The following MCF2L2 variants were observed in gnomAD, a reference collection of about 807,000 sequenced individuals.
The protein encoded by MCF2L2 is MCF.2 cell line derived transforming sequence-like 2.
Under a neutral mutation model 150.2 loss-of-function variants are expected in MCF2L2, and 102 were observed. That is an observed-to-expected ratio of 0.68 (90% CI 0.58 to 0.80). The LOEUF is 0.80. Among genes scored for constraint, MCF2L2 ranks in the 30% least tolerant of loss-of-function variants. MCF2L2 has a pLI of 0.00. For synonymous variants in MCF2L2, 465 were observed against 491.3 expected (o/e 0.95, Z 0.71); for missense variants, 1,256 against 1,372.8 (o/e 0.91, Z 1.34).
At chr3:183,354,983 C>A (rs1711671122) in intron 3 of MCF2L2, among the ~76,000 whole-genome samples, 1 of 151,900 alleles carries the variant, frequency 6.6e-6, no homozygotes, top group South Asian at 2.1e-4. Context: ...GTTTCCAGGT[C>A]TTTGTACTGT....
intron 3 of MCF2L2, among the ~76,000 whole-genome samples, chr3:183,360,251 G>A (rs1712051306): frequency 6.6e-6 from 1 of 152,136 alleles, no homozygotes; most frequent in Admixed American, 6.5e-5. Flanking sequence ...TGACTCTGGA[G>A]GAAACATTTT....
chr3:183,354,832 A>G (rs915015825), intron 3 of MCF2L2, among the ~76,000 whole-genome samples: 46 of 152,170 alleles, frequency 3.0e-4, no homozygotes, highest in African/African-American at 1.1e-3. Context: ...AAGTTCTTCA[A>G]ATATTTTACA....
In MCF2L2 at chr3:183,223,494, A is replaced by C. The variant is rs1034965634; in HGVS notation, c.2209-56T>G. ...CAAAACAAACAACACACACAGAATAAAAGTGGCAGCATTTAGGTACAAAAC... is the reference window on the plus strand; with the variant it reads ...CAAAACAAACAACACACACAGAATACAAGTGGCAGCATTTAGGTACAAAAC... On this transcript the variant is annotated intron_variant, in intron 19 of 29. Coordinates refer to ENST00000328913, the MANE Select transcript of MCF2L2 (RefSeq NM_015078.4). The C allele has an allele frequency of 1.5e-5, 20 of 1,340,072 alleles. No homozygotes were observed. In the Admixed American group the frequency reaches 3.4e-4, roughly 23 times the overall value. The allele number at this position is 1,340,072 out of a possible 1,614,324, so 83.0% of individuals were successfully genotyped here. A position where few individuals can be genotyped will look rare whatever the true frequency, so the allele number is the denominator to read the frequency against.
chr3:183,411,240 T>C (rs886666260), intron 1 of MCF2L2, among the ~76,000 whole-genome samples: 2 of 152,226 alleles, frequency 1.3e-5, no homozygotes, highest in Non-Finnish European at 2.9e-5. Context: ...TTGATTATAA[T>C]AATTATTGCC....
chr3:183,193,357 CTTTTTT>C (rs765523814), intron 26 of MCF2L2, among the ~76,000 whole-genome samples: 1 of 139,456 alleles, frequency 7.2e-6, no homozygotes, highest in African/African-American at 2.8e-5. Context: ...CTTTTTCTTT[CTTTTTT>C]TTTTTGAGAC....
chr3:183,288,925 C>T (rs1727953582), intron 14 of MCF2L2, among the ~76,000 whole-genome samples, 195 bp downstream of exon 14: 2 of 152,052 alleles, frequency 1.3e-5, no homozygotes, highest in Non-Finnish European at 2.9e-5. Flanking sequence ...GCTTTCACTT[C>T]TAGCTGCCGT....
intron 13 of MCF2L2, among the ~76,000 whole-genome samples, chr3:183,289,893 T>C (rs1012186098): frequency 6.6e-6 from 1 of 152,116 alleles, no homozygotes; most frequent in Non-Finnish European, 1.5e-5. Context: ...AAGGCCACTT[T>C]CCTCATGAAG....
intron 15 of MCF2L2, among the ~76,000 whole-genome samples, chr3:183,240,312 T>G (rs1028212898): frequency 6.6e-6 from 1 of 152,206 alleles, no homozygotes; most frequent in African/African-American, 2.4e-5. Flanking sequence ...TCATTGCAAC[T>G]GCCACCTCTC....
At chr3:183,282,298 C>T (rs931045859) in intron 14 of MCF2L2, among the ~76,000 whole-genome samples, 11 of 151,994 alleles carry the variant, frequency 7.2e-5, no homozygotes, top group Non-Finnish European at 1.6e-4. Flanking sequence ...CCTGCCTCAG[C>T]CTCCCGAGTA....
intron 1 of MCF2L2, among the ~76,000 whole-genome samples, chr3:183,398,472 G>A (rs996692004): frequency 7.2e-5 from 11 of 151,852 alleles, no homozygotes; most frequent in African/African-American, 2.7e-4. Flanking sequence ...TGTTACAGCA[G>A]CTGGCGCTAC....
Position 183,310,801 on chromosome 3 carries a change from G to A in MCF2L2, c.993+114C>T, listed in dbSNP as rs1262602518. ...GTCTGTAAAGAAGCAAGGAGATAAG[G>A]AGAAAGCTGGATTAGGGAAAAGAGG... is the stretch of plus-strand genomic sequence containing the variant. On this transcript the variant is annotated intron_variant, in intron 9 of 29. Transcript: ENST00000328913. The A allele has an allele frequency of 5.8e-6, 4 of 686,652 alleles. No homozygotes were observed. The Admixed American group carries it at 1.1e-4, about 19-fold the overall frequency. 42.5% of individuals were successfully genotyped at this position (686,652 alleles called of 1,614,324 possible). A position where few individuals can be genotyped will look rare whatever the true frequency, so the allele number is the denominator to read the frequency against.
intron 1 of MCF2L2, among the ~76,000 whole-genome samples, chr3:183,418,789 G>T (rs981871631): frequency 3.3e-5 from 5 of 152,210 alleles, no homozygotes; most frequent in African/African-American, 1.2e-4. Context: ...CTGTGGCTCT[G>T]CAGGGTACAG....
intron 26 of MCF2L2, among the ~76,000 whole-genome samples, chr3:183,194,985 G>T (rs1242077126): frequency 6.6e-6 from 1 of 151,936 alleles, no homozygotes; most frequent in Non-Finnish European, 1.5e-5. Flanking sequence ...GTTTCACCAT[G>T]TTGCCCAGGC....
rs1288709567 is a variant in MCF2L2, at chr3:183,379,301, G to A, written c.271C>T (p.Pro91Ser). The A allele has an allele frequency of 6.9e-6, 11 of 1,605,004 alleles. No individual in the cohort carries two copies. Among genetic ancestry groups the A allele is most frequent in the East Asian group, 4.5e-5 (2 of 44,204 alleles). ...LNVMTYLTSI[P>S]SVEAASIGFI... ...AGGACACTGTGCTCAGCTCACCTGG[G>A]GATGCTAGTCAGGTAGGTCATGACA... The change falls in exon 3 of 30, where the codon CCC becomes TCC. Residue 91 changes from proline to serine, a missense_variant. By Grantham distance (74) the Pro-to-Ser change is moderately conservative (BLOSUM62 -1). Coordinates refer to ENST00000328913, the MANE Select transcript of MCF2L2 (RefSeq NM_015078.4).
chr3:183,393,938 C>T (rs1000834221), intron 1 of MCF2L2, among the ~76,000 whole-genome samples: 3 of 152,230 alleles, frequency 2.0e-5, no homozygotes, highest in Admixed American at 6.5e-5. Flanking sequence ...CAGTGAGACC[C>T]TTAGCCTCCC....
rs1309695692 is a variant in MCF2L2 at position 183,179,097 on chromosome 3, C to T, written c.*283G>A. On this transcript the variant is annotated 3_prime_UTR_variant, in exon 30 of 30. Transcript: ENST00000328913. The surrounding 1 kb of genome is among the most constrained non-coding windows in gnomAD (Gnocchi z 4.2). The stretch of plus-strand genomic sequence containing the variant: ...GAGAAGCCCACGCAGCAAAGAATTG[C>T]CCGGCTCCGAATATCGAAGTGCGCG... 13 of 359,972 alleles carry T rather than the reference C, an allele frequency of 3.6e-5. No homozygotes were observed. The highest frequency in any genetic ancestry group is 6.4e-5 in the Non-Finnish European group (13 of 202,584). 22.3% of individuals were successfully genotyped at this position (359,972 alleles called of 1,614,324 possible).
chr3:183,362,530 G>T (rs1560041058), intron 3 of MCF2L2, among the ~76,000 whole-genome samples: 1 of 139,546 alleles, frequency 7.2e-6, no homozygotes, highest in Non-Finnish European at 1.5e-5. Context: ...GAGAGAAAAT[G>T]AAAAGAAAAG....
chr3:183,220,680 G>A (rs1201148312), intron 20 of MCF2L2, among the ~76,000 whole-genome samples: 2 of 152,002 alleles, frequency 1.3e-5, no homozygotes, highest in Admixed American at 1.3e-4. Context: ...GCCTACAAGG[G>A]GTAGTACCAT....
In MCF2L2 at chr3:183,222,128, T is replaced by C. The variant is rs144402819; in HGVS notation, c.2301+1218A>G. Among the ~76,000 whole-genome samples, 1,240 of 152,276 alleles carry C rather than the reference T, an allele frequency of 8.1e-3. 5 individuals are homozygous for C. The highest frequency in any genetic ancestry group is 0.017 in the Middle Eastern group (5 of 292). On this transcript the variant is annotated intron_variant, in intron 20 of 29. Transcript: ENST00000328913. The stretch of plus-strand genomic sequence containing the variant: ...ATGCCTCCTGCCTCCACCTCCTGAG[T>C]AGCTGCTGGGACTACAGGTGTGTGT...
Sources: gnomAD v4.1 joint callset for allele counts (sites outside exome capture counted in the v4.1 genomes callset) on GRCh38, gnomAD v4.1.1 for gene constraint, Gnocchi (gnomAD v3.1) non-coding constraint, MANE v1.5 for transcripts, NCBI Gene and HGNC (gene_info 2026-07-23, HGNC 2026-07-21) for gene names.